The following ATXN7L1 variants were observed in gnomAD, a reference collection of about 807,000 sequenced individuals.
ATXN7L1 encodes the protein ataxin-7-like protein 1.
Under a neutral mutation model 70.8 loss-of-function variants are expected in ATXN7L1, and 15 were observed. That is an observed-to-expected ratio of 0.21 (90% CI 0.14 to 0.33). The LOEUF is 0.33. Ranked by LOEUF, ATXN7L1 falls within the 10% of genes least tolerant of loss-of-function variation. ATXN7L1 has a pLI of 1.00. For missense variants in ATXN7L1, 975 were observed against 1,097.1 expected, an observed-to-expected ratio of 0.89 and a Z score of 1.57; for synonymous variants, 440 against 445.1, an observed-to-expected ratio of 0.99 and a Z score of 0.14.
At chr7:105,626,967 T>C (rs930680909) in intron 7 of ATXN7L1, among the ~76,000 whole-genome samples, 2 of 152,232 alleles carry the variant, frequency 1.3e-5, no homozygotes, top group African/African-American at 4.8e-5. Context: ...AACCTAGTGA[T>C]GTTGTGGACG....
At chr7:105,769,353 G>A (rs1033422631) in intron 3 of ATXN7L1, among the ~76,000 whole-genome samples, 1 of 152,110 alleles carries the variant, frequency 6.6e-6, no homozygotes, top group Admixed American at 6.5e-5. Flanking sequence ...TCTACCTCAC[G>A]GTATTCAAAA....
Position 105,731,546 on chromosome 7 carries a change from T to C in ATXN7L1, c.355+57058A>G, listed in dbSNP as rs1796536300. Among the ~76,000 whole-genome samples the C allele has an allele frequency of 2.0e-5, 3 of 151,034 alleles. No homozygotes were observed. The Admixed American group carries it at 2.0e-4, about 10-fold the overall frequency. On this transcript the variant is annotated intron_variant, in intron 3 of 11. Transcript: ENST00000419735. ...GCGTCCTGGGTTCAAGCGATTCTCC[T>C]GCCTCAGCCTCCCAGGTAGCTGGGA...
intron 2 of ATXN7L1, among the ~76,000 whole-genome samples, chr7:105,796,135 C>G (rs969080966): frequency 1.3e-5 from 2 of 152,068 alleles, no homozygotes; most frequent in Non-Finnish European, 2.9e-5. Flanking sequence ...GAGGCCGAGG[C>G]GGGCAGATCA....
At chr7:105,617,819 G>A (rs545702855) in intron 9 of ATXN7L1, 23 of 401,544 alleles carry the variant, frequency 5.7e-5, no homozygotes, top group Admixed American at 3.9e-4. Flanking sequence ...CTGTGTTGGC[G>A]GCTCCTGATG....
chr7:105,618,657 C>T (rs1242746064), intron 9 of ATXN7L1, among the ~76,000 whole-genome samples: 2 of 152,124 alleles, frequency 1.3e-5, no homozygotes, highest in Non-Finnish European at 2.9e-5. Context: ...TCTACTGGAC[C>T]TCAGTGGGCA....
chr7:105,867,040 C>T (rs1208469726), intron 2 of ATXN7L1, among the ~76,000 whole-genome samples: 1 of 152,188 alleles, frequency 6.6e-6, no homozygotes, highest in Non-Finnish European at 1.5e-5. Flanking sequence ...CATACAGAAA[C>T]AAATCTGCCT....
chr7:105,825,193 C>T (rs1810701892), intron 2 of ATXN7L1, among the ~76,000 whole-genome samples: 1 of 152,186 alleles, frequency 6.6e-6, no homozygotes, highest in South Asian at 2.1e-4. Flanking sequence ...AGATCCAAGA[C>T]ATTTCCATAT....
chr7:105,660,406 T>G (rs761595239), intron 4 of ATXN7L1, among the ~76,000 whole-genome samples: 12 of 151,962 alleles, frequency 7.9e-5, no homozygotes, highest in Non-Finnish European at 1.3e-4. Context: ...TGCAAATACT[T>G]TTGCACATTC....
intron 2 of ATXN7L1, among the ~76,000 whole-genome samples, chr7:105,853,575 CAACA>C (rs747712309): frequency 8.0e-5 from 12 of 150,030 alleles, no homozygotes; most frequent in Non-Finnish European, 1.8e-4. Flanking sequence ...AAACAAAAAA[CAACA>C]AACAAACAAA....
At chr7:105,803,077 C>T (rs1217155598) in intron 2 of ATXN7L1, among the ~76,000 whole-genome samples, 1 of 152,210 alleles carries the variant, frequency 6.6e-6, no homozygotes, top group South Asian at 2.1e-4. Flanking sequence ...AGACTTTGTC[C>T]CACATCTACT....
intron 3 of ATXN7L1, among the ~76,000 whole-genome samples, chr7:105,748,205 C>G (rs1420858340): frequency 6.6e-6 from 1 of 151,668 alleles, no homozygotes; most frequent in Non-Finnish European, 1.5e-5. Context: ...TTTTTGCACA[C>G]ACAACACCCA....
At chr7:105,742,474 C>T (rs1185894921) in intron 3 of ATXN7L1, among the ~76,000 whole-genome samples, 2 of 152,224 alleles carry the variant, frequency 1.3e-5, no homozygotes, top group Non-Finnish European at 1.5e-5. Flanking sequence ...GTGTACTATG[C>T]TTATGCTCAT....
chr7:105,842,262 A>T (rs1033276628), intron 2 of ATXN7L1, among the ~76,000 whole-genome samples: 2 of 152,020 alleles, frequency 1.3e-5, no homozygotes, highest in African/African-American at 4.8e-5. Flanking sequence ...TATTTTAAAC[A>T]TTGCAAAGTG....
chr7:105,694,247 T>C (rs528381926), intron 3 of ATXN7L1, among the ~76,000 whole-genome samples: 1 of 151,860 alleles, frequency 6.6e-6, no homozygotes, highest in Admixed American at 6.6e-5. Context: ...GGTTTCACCA[T>C]GTTGGCCAGG....
chr7:105,692,827 TC>T lies in ATXN7L1; in HGVS notation c.356-27540del, dbSNP rs1563010592. Among the ~76,000 whole-genome samples the T allele has an allele frequency of 3.9e-5, 6 of 152,034 alleles. No individual in the cohort carries two copies. In the South Asian group the frequency reaches 8.3e-4, roughly 21 times the overall value. On this transcript the variant is annotated intron_variant, in intron 3 of 11. Transcript: ENST00000419735. ...ATCAGAGCTCACTGCATCCTTGAAT[TC>T]CTGGGCTCAAGCGATCCTCCCGATT...
chr7:105,716,230 T>C (rs1220248222), intron 3 of ATXN7L1, among the ~76,000 whole-genome samples: 1 of 152,124 alleles, frequency 6.6e-6, no homozygotes, highest in African/African-American at 2.4e-5. Context: ...AAATTCATTA[T>C]ATACTTATTA....
At chr7:105,784,522 G>C (rs1182390047) in intron 3 of ATXN7L1, among the ~76,000 whole-genome samples, 1 of 152,046 alleles carries the variant, frequency 6.6e-6, no homozygotes, top group African/African-American at 2.4e-5. Flanking sequence ...TGCACCCATG[G>C]GAGAAGCGGG....
At chr7:105,816,001 A>G (rs1224890181) in intron 2 of ATXN7L1, among the ~76,000 whole-genome samples, 1 of 152,230 alleles carries the variant, frequency 6.6e-6, no homozygotes, top group Non-Finnish European at 1.5e-5. Context: ...ATCCCAGTAC[A>G]CTGGTTGGCT....
intron 3 of ATXN7L1, among the ~76,000 whole-genome samples, chr7:105,764,640 G>A (rs1319297783): frequency 6.6e-6 from 1 of 152,236 alleles, no homozygotes; most frequent in Non-Finnish European, 1.5e-5. Flanking sequence ...GTGGAGGAAT[G>A]AGAGGGAATG....
Sources: gnomAD v4.1 joint callset for allele counts (sites outside exome capture counted in the v4.1 genomes callset) on GRCh38, gnomAD v4.1.1 for gene constraint, MANE v1.5 for transcripts, NCBI Gene and HGNC (gene_info 2026-07-23, HGNC 2026-07-21) for gene names.